Variants in ANO3 observed in about 807,000 individuals in gnomAD.
ANO3 encodes anoctamin-3.
In ANO3, 99 loss-of-function variants were observed where a neutral mutation model predicts 144.8. The ratio of observed to expected loss-of-function variants is 0.68; its 90% CI spans 0.58 to 0.81. The LOEUF (loss-of-function observed/expected upper bound fraction) is 0.81. Among genes scored for constraint, ANO3 ranks in the 30% least tolerant of loss-of-function variants. The pLI is 0.00. For synonymous variants in ANO3, 414 were observed against 392.6 expected (o/e 1.05, Z -0.64); for missense variants, 905 against 1,202.2 (o/e 0.75, Z 3.66).
intron 1 of ANO3, among the ~76,000 whole-genome samples, chr11:26,345,260 T>TA (rs1469852836): frequency 3.9e-5 from 6 of 152,024 alleles, no homozygotes; most frequent in Non-Finnish European, 7.4e-5. Flanking sequence ...TCAACCAAGA[T>TA]AAAAAAAATC....
intron 1 of ANO3, among the ~76,000 whole-genome samples, chr11:26,283,216 T>G (rs1853716970): frequency 1.3e-5 from 2 of 150,478 alleles, no homozygotes; most frequent in South Asian, 4.2e-4. Context: ...TCATTGCATG[T>G]CACATTTTTT....
chr11:26,624,988 G>A (rs945341045), intron 18 of ANO3, among the ~76,000 whole-genome samples: 2 of 151,080 alleles, frequency 1.3e-5, no homozygotes, highest in Non-Finnish European at 2.9e-5. Context: ...GTGGTGACGC[G>A]ATCTCGGCTC....
chr11:26,512,826 C>T (rs1861717928), intron 5 of ANO3, among the ~76,000 whole-genome samples: 1 of 152,152 alleles, frequency 6.6e-6, no homozygotes, highest in Non-Finnish European at 1.5e-5. Context: ...AATCCTGACA[C>T]AGCACCCTCT....
chr11:26,656,097 A>G (rs1188358293), intron 24 of ANO3, 28 bp from the exon 25 acceptor site: 10 of 1,532,758 alleles, frequency 6.5e-6, no homozygotes, highest in Non-Finnish European at 8.1e-6. Context: ...GAATCTTTGA[A>G]TCACATGATA....
intron 1 of ANO3, among the ~76,000 whole-genome samples, chr11:26,315,670 TATCTATCTATCTATCC>T (rs1302184037): frequency 6.9e-5 from 10 of 144,020 alleles, no homozygotes; most frequent in African/African-American, 2.6e-5. Context: ...TCTATCTATC[TATCTATCTATCTATCC>T]ATCTATCTAT....
At chr11:26,585,291 A>C (rs1181382166) in intron 14 of ANO3, among the ~76,000 whole-genome samples, 1 of 152,228 alleles carries the variant, frequency 6.6e-6, no homozygotes, top group African/African-American at 2.4e-5. Flanking sequence ...TCATATATAT[A>C]TAGGCATTAT....
At chr11:26,553,724 C>A (rs1850005682) in intron 13 of ANO3, among the ~76,000 whole-genome samples, 2 of 152,026 alleles carry the variant, frequency 1.3e-5, no homozygotes, top group African/African-American at 2.4e-5. Context: ...AAATAACATT[C>A]AAAAAATCCC....
At chr11:26,227,875 C>G (rs1345175929) in intron 1 of ANO3, among the ~76,000 whole-genome samples, 2 of 152,006 alleles carry the variant, frequency 1.3e-5, no homozygotes, top group Non-Finnish European at 2.9e-5. Flanking sequence ...TTTTTTTAAA[C>G]CTAATTATAC....
At position 26,236,772 on chromosome 11, in the gene ANO3, C is replaced by T. The variant is rs1056588879; in HGVS notation, c.154+47442C>T. ...GGCAGAGCTTGCAGTGAGCCCAGATCGCGCCACTGCACTCCAGCCTGGGCG... is the reference window on the plus strand; with the variant it reads ...GGCAGAGCTTGCAGTGAGCCCAGATTGCGCCACTGCACTCCAGCCTGGGCG... On this transcript the variant is annotated intron_variant, in intron 1 of 27. Transcript: ENST00000672621. 7.6e-5 allele frequency among the ~76,000 whole-genome samples: 11 copies of T among 143,876 alleles called. No homozygotes were observed. In the South Asian group the frequency reaches 8.7e-4, roughly 11 times the overall value. The allele number at this position is 143,876 out of a possible 152,430, so 94.4% of individuals were successfully genotyped here.
chr11:26,307,686 T>C (rs956781127), upstream of ANO3, among the ~76,000 whole-genome samples: 2 of 150,466 alleles, frequency 1.3e-5, no homozygotes, highest in African/African-American at 4.9e-5. Context: ...ATCACTGCAC[T>C]GTAGCCTGGG....
chr11:26,626,328 A>T (rs1852583211), intron 18 of ANO3, among the ~76,000 whole-genome samples: 2 of 152,208 alleles, frequency 1.3e-5, no homozygotes, highest in South Asian at 4.1e-4. Context: ...ACTCCTGAGG[A>T]AAGGAGCAGG....
intron 3 of ANO3, among the ~76,000 whole-genome samples, chr11:26,450,400 GAAC>G (rs973583627): frequency 1.3e-5 from 2 of 152,132 alleles, no homozygotes; most frequent in African/African-American, 4.8e-5. Flanking sequence ...TAGTACTTTA[GAAC>G]AATAGGGCTA....
chr11:26,317,657 G>A (rs1197326108), intron 1 of ANO3, among the ~76,000 whole-genome samples: 1 of 152,182 alleles, frequency 6.6e-6, no homozygotes, highest in Non-Finnish European at 1.5e-5. Context: ...TACACTGTTG[G>A]TAGGGGTGTA....
chr11:26,587,423 G>A (rs941878718), intron 14 of ANO3, among the ~76,000 whole-genome samples: 2 of 152,136 alleles, frequency 1.3e-5, no homozygotes, highest in Non-Finnish European at 2.9e-5. Context: ...TTAGATCTTG[G>A]CATAAATAGA....
intron 1 of ANO3, among the ~76,000 whole-genome samples, chr11:26,400,305 A>T (rs1857116128): frequency 6.6e-6 from 1 of 152,040 alleles, no homozygotes; most frequent in African/African-American, 2.4e-5. Flanking sequence ...TCAATTGGTC[A>T]TGTAAGCTAG....
At chr11:26,401,674 C>T (rs1007138340) in intron 1 of ANO3, among the ~76,000 whole-genome samples, 14 of 151,868 alleles carry the variant, frequency 9.2e-5, no homozygotes, top group Non-Finnish European at 1.5e-4. Context: ...GTCAGGAGTT[C>T]GAGACCAGCC....
intron 3 of ANO3, among the ~76,000 whole-genome samples, chr11:26,451,508 T>C (rs554750473): frequency 1.3e-5 from 2 of 152,260 alleles, no homozygotes; most frequent in Non-Finnish European, 2.9e-5. Flanking sequence ...GAGATCAAAC[T>C]GCAAGGCGGC....
intron 1 of ANO3, among the ~76,000 whole-genome samples, chr11:26,368,121 C>T (rs933777675): frequency 1.3e-5 from 2 of 152,164 alleles, no homozygotes; most frequent in Admixed American, 6.5e-5. Context: ...ATAGCATAGT[C>T]TCTATATTTT....
At chr11:26,354,842 G>A (rs1855737322) in intron 1 of ANO3, among the ~76,000 whole-genome samples, 1 of 151,404 alleles carries the variant, frequency 6.6e-6, no homozygotes, top group African/African-American at 2.4e-5. Context: ...AAGTCAGGTG[G>A]TATCCTAAGA....
Sources: gnomAD v4.1 joint callset for allele counts (sites outside exome capture counted in the v4.1 genomes callset) on GRCh38, gnomAD v4.1.1 for gene constraint, MANE v1.5 for transcripts, NCBI Gene and HGNC (gene_info 2026-07-23, HGNC 2026-07-21) for gene names.